TPTE2: variants seen among roughly 807,000 people sequenced by gnomAD.
TPTE2 encodes transmembrane phosphoinositide 3-phosphatase and tensin homolog 2.
A neutral mutation model predicts 78.6 loss-of-function variants in TPTE2; 53 were observed. That is an observed-to-expected ratio of 0.67 (90% CI 0.54 to 0.85). The LOEUF (loss-of-function observed/expected upper bound fraction) is 0.85, where lower values mean the gene tolerates loss of function less well. TPTE2 is among the 40% of genes least tolerant of loss of function. TPTE2 has a pLI of 0.00. For synonymous variants in TPTE2, 175 were observed against 206.2 expected (o/e 0.85, Z 1.30); for missense variants, 461 against 623.0 (o/e 0.74, Z 2.77).
intron 10 of TPTE2, among the ~76,000 whole-genome samples, chr13:19,456,162 T>C (rs1397180765): frequency 2.0e-5 from 3 of 152,192 alleles, no homozygotes; most frequent in Non-Finnish European, 4.4e-5. Flanking sequence ...TGTGAATTTA[T>C]GAAGGATGCT....
At chr13:19,462,101 A>T (rs113659708) in intron 10 of TPTE2, among the ~76,000 whole-genome samples, 5 of 148,276 alleles carry the variant, frequency 3.4e-5, no homozygotes, top group African/African-American at 7.6e-5. Flanking sequence ...TTCTTCACCT[A>T]TTTTTTTTTA....
intron 1 of TPTE2, among the ~76,000 whole-genome samples, chr13:19,494,855 G>A (rs996297647): frequency 6.6e-6 from 1 of 152,180 alleles, no homozygotes; most frequent in Non-Finnish European, 1.5e-5. Flanking sequence ...AATAGCTACA[G>A]TTAGTCTATG....
chr13:19,557,259 T>A, the TPTE2 span, among the ~76,000 whole-genome samples: 1 of 152,166 alleles, frequency 6.6e-6, no homozygotes, highest in African/African-American at 2.4e-5. Context: ...AATGCAACAT[T>A]TCATGGGGGA....
intron 1 of TPTE2, among the ~76,000 whole-genome samples, chr13:19,530,854 C>CA (rs1870826049): frequency 6.6e-6 from 1 of 152,002 alleles, no homozygotes; most frequent in African/African-American, 2.4e-5. Flanking sequence ...GTAAAATACA[C>CA]AAAAAATGTA....
intron 13 of TPTE2, among the ~76,000 whole-genome samples, chr13:19,444,838 GA>G (rs1194436750): frequency 7.2e-5 from 11 of 152,122 alleles, no homozygotes; most frequent in African/African-American, 2.7e-4. Context: ...GAACAGAATA[GA>G]AAGGTCAGAA....
intron 10 of TPTE2, among the ~76,000 whole-genome samples, chr13:19,457,603 G>A (rs1228770535): frequency 2.0e-5 from 3 of 151,794 alleles, no homozygotes; most frequent in East Asian, 3.9e-4. Context: ...GCTCCCGCAT[G>A]TAAGTGAGAA....
chr13:19,437,019 C>T (rs1444263717), intron 14 of TPTE2, among the ~76,000 whole-genome samples: 3 of 137,644 alleles, frequency 2.2e-5, no homozygotes, highest in Admixed American at 7.7e-5. Context: ...AGCTGCAATC[C>T]ACATTAATAA....
chr13:19,551,319 G>A, the TPTE2 span, among the ~76,000 whole-genome samples: 402 of 152,274 alleles, frequency 2.6e-3, 2 homozygotes, highest in African/African-American at 9.1e-3. Context: ...GCCGGGTATG[G>A]TGGTTCACGC....
At chr13:19,552,847 G>A in the TPTE2 span, 3 of 124,318 alleles carry the variant, frequency 2.4e-5, no homozygotes, top group African/African-American at 8.7e-5. Flanking sequence ...ATAATGAAAA[G>A]TTACTGAGAG....
At chr13:19,560,428 A>T in the TPTE2 span, 6 of 1,609,118 alleles carry the variant, frequency 3.7e-6, no homozygotes, top group Non-Finnish European at 5.1e-6. Context: ...GTCCTCAGCG[A>T]AGGCCAACTC....
chr13:19,423,089 A>G (rs753981084), exon 20 of TPTE2: 99 of 1,612,976 alleles, frequency 6.1e-5, no homozygotes, highest in Admixed American at 3.7e-4. Flanking sequence ...GTATCTCCAC[A>G]GCAAATTCTG....
intron 1 of TPTE2, among the ~76,000 whole-genome samples, chr13:19,499,272 T>A (rs1433926772): frequency 6.6e-6 from 1 of 151,940 alleles, no homozygotes; most frequent in Non-Finnish European, 1.5e-5. Context: ...TACCCAGGAA[T>A]TGAACTCAGC....
chr13:19,506,273 G>T (rs1374636702), upstream of TPTE2, among the ~76,000 whole-genome samples: 4 of 128,832 alleles, frequency 3.1e-5, no homozygotes, highest in African/African-American at 1.2e-4. Flanking sequence ...CCAGGTTCAC[G>T]CCATTCTCCT....
At chr13:19,518,182 T>C (rs1331626826) in intron 1 of TPTE2, among the ~76,000 whole-genome samples, 2 of 152,170 alleles carry the variant, frequency 1.3e-5, no homozygotes, top group Non-Finnish European at 2.9e-5. Flanking sequence ...AGAAAACAAA[T>C]AGTTGTACAT....
At chr13:19,445,629 G>A (rs1305991386) in intron 13 of TPTE2, among the ~76,000 whole-genome samples, 2 of 152,184 alleles carry the variant, frequency 1.3e-5, no homozygotes, top group Non-Finnish European at 2.9e-5. Context: ...TGTGCAACAA[G>A]AAACATGTAT....
At chr13:19,491,678 A>T (rs1345808564) in intron 3 of TPTE2, among the ~76,000 whole-genome samples, 1 of 152,124 alleles carries the variant, frequency 6.6e-6, no homozygotes, top group East Asian at 1.9e-4. Context: ...ACAAAAAATT[A>T]GACGGGCATG....
the TPTE2 span, among the ~76,000 whole-genome samples, chr13:19,543,553 AC>A: frequency 2.0e-5 from 3 of 149,738 alleles, no homozygotes; most frequent in South Asian, 6.3e-4. Flanking sequence ...ACGGGGTTTC[AC>A]CATGTTGGTC....
intron 15 of TPTE2, among the ~76,000 whole-genome samples, chr13:19,433,275 G>A (rs1452377024): frequency 2.0e-5 from 3 of 152,104 alleles, no homozygotes; most frequent in Admixed American, 2.0e-4. Flanking sequence ...AGGCCGAGGT[G>A]GGCAGATCAC....
intron 1 of TPTE2, among the ~76,000 whole-genome samples, chr13:19,497,543 G>T (rs1471202588): frequency 2.7e-5 from 2 of 74,482 alleles, no homozygotes; most frequent in Non-Finnish European, 3.7e-5. Context: ...GGGGCACACT[G>T]ACACCTCACA....
Sources: gnomAD v4.1 joint callset for allele counts (sites outside exome capture counted in the v4.1 genomes callset) on GRCh38, gnomAD v4.1.1 for gene constraint, MANE v1.5 for transcripts, NCBI Gene and HGNC (gene_info 2026-07-23, HGNC 2026-07-21) for gene names.